DPP6: variants seen among roughly 807,000 people sequenced by gnomAD.
DPP6 encodes the protein dipeptidyl peptidase like 6.
In DPP6, 69 loss-of-function variants were observed where a neutral mutation model predicts 122.6. That is an observed-to-expected ratio of 0.56 (90% CI 0.46 to 0.69). The LOEUF (loss-of-function observed/expected upper bound fraction) is 0.69, where lower values mean the gene tolerates loss of function less well. DPP6 is among the 30% of genes least tolerant of loss of function. The pLI is 0.00. For synonymous variants in DPP6, 418 were observed against 433.1 expected (o/e 0.97, Z 0.43); for missense variants, 928 against 1,116.9 (o/e 0.83, Z 2.41).
At position 154,840,817 on chromosome 7, in the gene DPP6, A is replaced by G. The variant is rs1801468014; in HGVS notation, c.1667-12963A>G. 2.0e-5 allele frequency among the ~76,000 whole-genome samples: 3 copies of G among 152,314 alleles called. No homozygotes were observed. In the South Asian group the frequency reaches 6.2e-4, roughly 32 times the overall value. On this transcript the variant is annotated intron_variant, in intron 16 of 25. Coordinates refer to ENST00000377770, the MANE Select transcript of DPP6 (RefSeq NM_130797.4). The stretch of plus-strand genomic sequence containing the variant: ...ACAGGTAGCTGGCGATTTAGAGGCT[A>G]TTCTAGAGAATGCGCCGCCAACTCT...
At chr7:153,757,216 A>G in the DPP6 span, among the ~76,000 whole-genome samples, 22 of 152,170 alleles carry the variant, frequency 1.4e-4, no homozygotes, top group African/African-American at 5.1e-4. Flanking sequence ...TGGAGACATA[A>G]TGTGTCTGTT....
chr7:154,864,888 G>C (rs1488217350), intron 17 of DPP6, among the ~76,000 whole-genome samples: 1 of 152,152 alleles, frequency 6.6e-6, no homozygotes, highest in Non-Finnish European at 1.5e-5. Flanking sequence ...GCTGTTTGGT[G>C]GCCAGCCTGT....
chr7:154,606,256 A>T lies in DPP6; in HGVS notation c.628-31565A>T, dbSNP rs1195373940. Among the ~76,000 whole-genome samples, 4 of 120,534 alleles carry T rather than the reference A, an allele frequency of 3.3e-5. 1 individual carries two copies. The highest frequency in any genetic ancestry group is 1.1e-4 in the African/African-American group (4 of 37,984). 79.1% of individuals were successfully genotyped at this position (120,534 alleles called of 152,430 possible). ...AATGTATTAAACATCTTATAATTCT[A>T]TACACTTTTGCCTTATGTATTATGA... On this transcript the variant is annotated intron_variant, in intron 5 of 25. Coordinates refer to ENST00000377770, the MANE Select transcript of DPP6 (RefSeq NM_130797.4).
rs1806802257 is a variant in DPP6, at chr7:154,893,467, A to AAACAG, written c.*989_*990insCAGAA. On this transcript the variant is annotated 3_prime_UTR_variant, in exon 26 of 26. Coordinates refer to ENST00000377770, the MANE Select transcript of DPP6 (RefSeq NM_130797.4). Reference sequence around the variant, plus strand: ...ACATTTGGTTTAAAAAAAAAAAAAAAAAAAAAAAAAAAACAGAAAAAAGAC... The same window carrying AAACAG: ...ACATTTGGTTTAAAAAAAAAAAAAAAAACAGAAAAAAAAAAAAACAGAAAAAAGAC... 6.8e-6 allele frequency: 1 copy of AAACAG among 147,724 alleles called. No homozygotes were observed. Among genetic ancestry groups the AAACAG allele is most frequent in the Admixed American group, 6.8e-5 (1 of 14,796 alleles). The allele number at this position is 147,724 out of a possible 1,614,324, so 9.2% of individuals were successfully genotyped here. A position where few individuals can be genotyped will look rare whatever the true frequency, so the allele number is the denominator to read the frequency against.
At chr7:154,799,067 G>A (rs952268617) in intron 12 of DPP6, among the ~76,000 whole-genome samples, 2 of 152,146 alleles carry the variant, frequency 1.3e-5, no homozygotes, top group East Asian at 3.9e-4. Flanking sequence ...AGCTGGCCCA[G>A]GAGAAACTGG....
chr7:154,171,210 T>C (rs1797519462), intron 1 of DPP6, among the ~76,000 whole-genome samples: 1 of 152,194 alleles, frequency 6.6e-6, no homozygotes, highest in African/African-American at 2.4e-5. Flanking sequence ...GGACAGATGA[T>C]CTTTTATGGC....
chr7:154,594,115 CA>C (rs141817226), intron 5 of DPP6, among the ~76,000 whole-genome samples: 8,305 of 152,230 alleles, frequency 0.055, 272 homozygotes, highest in Non-Finnish European at 0.074. Flanking sequence ...ATCACTCTAG[CA>C]GTCCGGTCAT....
At position 153,987,195 on chromosome 7, in the gene DPP6, G is replaced by A. The variant is rs536563990; in HGVS notation, c.51+99461G>A. Among the ~76,000 whole-genome samples the A allele has an allele frequency of 7.9e-5, 12 of 152,276 alleles. No individual in the cohort carries two copies. The South Asian group carries it at 2.5e-3, about 32-fold the overall frequency. On this transcript the variant is annotated intron_variant, in intron 1 of 25. Transcript: ENST00000404039. ...CTAATTTATTCATGATTAAACCAAA[G>A]AACTCTCAATGAGGAGAAGTAGATT...
intron 3 of DPP6, among the ~76,000 whole-genome samples, chr7:154,493,408 A>G (rs1238128410): frequency 6.6e-6 from 1 of 152,218 alleles, no homozygotes; most frequent in Non-Finnish European, 1.5e-5. Context: ...GGGTAGGTGC[A>G]CTCATCACAG....
chr7:154,588,282 C>A (rs1482021024), intron 5 of DPP6: 2 of 867,534 alleles, frequency 2.3e-6, no homozygotes, highest in African/African-American at 3.4e-5. Flanking sequence ...AGCAATGGAC[C>A]CTCGTGAATA....
chr7:154,681,063 T>A (rs1461986371), intron 7 of DPP6, among the ~76,000 whole-genome samples: 2 of 152,028 alleles, frequency 1.3e-5, no homozygotes, highest in African/African-American at 2.4e-5. Context: ...TCAATAATAA[T>A]GTGTTGTATA....
intron 1 of DPP6, among the ~76,000 whole-genome samples, chr7:153,931,065 A>G (rs1459911520): frequency 6.6e-6 from 1 of 152,226 alleles, no homozygotes; most frequent in Non-Finnish European, 1.5e-5. Flanking sequence ...TGACTCCTGT[A>G]TAGGAAATGA....
At chr7:154,120,390 G>A (rs2150604159) in intron 1 of DPP6, among the ~76,000 whole-genome samples, 1 of 152,004 alleles carries the variant, frequency 6.6e-6, no homozygotes, top group Middle Eastern at 3.4e-3. Flanking sequence ...GAATACAGGT[G>A]TCCGCCACCA....
At chr7:154,106,930 T>C (rs1442264110) in intron 1 of DPP6, among the ~76,000 whole-genome samples, 3 of 152,010 alleles carry the variant, frequency 2.0e-5, no homozygotes, top group Admixed American at 6.6e-5. Context: ...ATGTGGACCA[T>C]AACAAGTGTT....
intron 8 of DPP6, among the ~76,000 whole-genome samples, chr7:154,729,155 C>T (rs889438891): frequency 3.3e-5 from 5 of 152,226 alleles, no homozygotes; most frequent in Admixed American, 3.3e-4. Flanking sequence ...CCACATGTGG[C>T]TACAGTAACC....
At position 154,406,705 on chromosome 7, in the gene DPP6, C is replaced by T. The variant is rs938831131; in HGVS notation, c.244-39509C>T. On this transcript the variant is annotated intron_variant, in intron 1 of 25. Transcript: ENST00000377770. ...CACCATCAGCCTTCTCCTGGAACTT[C>T]TTAGGCAAATTCTGAGGACCCATTC... Among the ~76,000 whole-genome samples the T allele has an allele frequency of 1.1e-4, 12 of 111,100 alleles. No homozygotes were observed. The East Asian group carries it at 3.2e-3, about 29-fold the overall frequency. 72.9% of individuals were successfully genotyped at this position (111,100 alleles called of 152,430 possible). A position where few individuals can be genotyped will look rare whatever the true frequency, so the allele number is the denominator to read the frequency against.
intron 6 of DPP6, among the ~76,000 whole-genome samples, chr7:154,657,081 G>A (rs1439234746): frequency 4.8e-4 from 27 of 56,426 alleles, no homozygotes; most frequent in South Asian, 9.1e-4. Context: ...GTGGGAGGAG[G>A]TGCTCATGGG....
At chr7:154,864,117 G>T (rs191969875) in intron 17 of DPP6, among the ~76,000 whole-genome samples, 49 of 152,170 alleles carry the variant, frequency 3.2e-4, no homozygotes, top group Admixed American at 1.3e-4. Flanking sequence ...GGGAGATGCC[G>T]GAGAGACTTC....
intron 7 of DPP6, among the ~76,000 whole-genome samples, chr7:154,693,918 T>C (rs2131230482): frequency 6.6e-6 from 1 of 152,280 alleles, no homozygotes; most frequent in South Asian, 2.1e-4. Flanking sequence ...CATGCATACA[T>C]GTGTGAAGGC....
Sources: allele counts gnomAD v4.1 joint callset (sites outside exome capture counted in the v4.1 genomes callset), GRCh38; gene constraint gnomAD v4.1.1; transcripts MANE v1.5; gene names NCBI Gene and HGNC (gene_info 2026-07-23, HGNC 2026-07-21).